TMEM185A: variants seen among roughly 807,000 people sequenced by gnomAD.
TMEM185A encodes the protein transmembrane protein 185A.
In TMEM185A, 9 loss-of-function variants were observed where a neutral mutation model predicts 25.0. The ratio of observed to expected loss-of-function variants is 0.36; its 90% CI spans 0.22 to 0.63. The LOEUF (loss-of-function observed/expected upper bound fraction) is 0.63. TMEM185A is among the 20% of genes least tolerant of loss of function. The pLI is 0.68. For synonymous variants in TMEM185A, 45 were observed against 93.5 expected (o/e 0.48, Z 2.99); for missense variants, 103 against 237.4 (o/e 0.43, Z 3.72).
At chrX:149,624,682 C>T (rs1339262103) in intron 1 of TMEM185A, among the ~76,000 whole-genome samples, 1 of 111,948 alleles carries the variant, frequency 8.9e-6, no homozygotes, top group Non-Finnish European at 1.9e-5. Flanking sequence ...CCCTCTTACA[C>T]CTTATTAACC....
chrX:149,627,049 C>T (rs1557356110), intron 1 of TMEM185A, among the ~76,000 whole-genome samples: 1 of 111,584 alleles, frequency 9.0e-6, no homozygotes, highest in Non-Finnish European at 1.9e-5. Context: ...TGCAAAGAGG[C>T]CCCGCTCTTT....
chrX:149,620,080 G>A (rs886815595), intron 1 of TMEM185A, among the ~76,000 whole-genome samples: 3 of 111,542 alleles, frequency 2.7e-5, no homozygotes, highest in Non-Finnish European at 3.8e-5. Flanking sequence ...TCAGTGTGGC[G>A]ATTCCTCAGG....
chrX:149,608,688 A>C lies in TMEM185A; in HGVS notation c.362T>G (p.Phe121Cys), dbSNP rs1557353987. 1 of 1,211,863 alleles carries C rather than the reference A, an allele frequency of 8.3e-7. No homozygotes were observed. The highest frequency in any genetic ancestry group is 2.2e-5 in the Admixed American group (1 of 46,056). The change falls in exon 3 of 7, where the codon TTT (phenylalanine) becomes TGT (cysteine). Residue 121 changes from phenylalanine to cysteine, a missense_variant. Phe to Cys is a radical substitution (Grantham distance 205). Transcript: ENST00000600449. Reference protein sequence around the residue: ...FWLLVFMPLFFVSPVSVAACV... With the variant: ...FWLLVFMPLFCVSPVSVAACV... ...AGCTGCAACAGACACCGGGGAAACA[A>C]AGAACAGCGGCATGAAGACCAGGAG...
chrX:149,631,549 T>C lies in TMEM185A; in HGVS notation c.32A>G (p.Asn11Ser). 1.7e-6 allele frequency: 2 copies of C among 1,169,389 alleles called. No individual in the cohort carries two copies. Among genetic ancestry groups the C allele is most frequent in the South Asian group, 1.9e-5 (1 of 51,964 alleles). ...GCCAACGACGCCGCCTCACCTCGGG[T>C]TGAAGTCCTGGAAGAGGCCCCTCAG... Reference protein sequence around the residue: MNLRGLFQDFNPSKFLIYACL... With the variant: MNLRGLFQDFSPSKFLIYACL... Residue 11 changes from asparagine to serine, a missense_variant, in exon 1 of 7, where the codon AAC (asparagine) becomes AGC (serine). Coordinates refer to ENST00000600449, the MANE Select transcript of TMEM185A (RefSeq NM_032508.4).
intron 1 of TMEM185A, among the ~76,000 whole-genome samples, chrX:149,612,974 C>T (rs917012314): frequency 8.9e-6 from 1 of 111,923 alleles, no homozygotes; most frequent in Non-Finnish European, 1.9e-5. Context: ...TCTGCCATAT[C>T]GCTTCTGCTT....
At chrX:149,630,518 C>G (rs919688012) in intron 1 of TMEM185A, among the ~76,000 whole-genome samples, 2 of 111,904 alleles carry the variant, frequency 1.8e-5, no homozygotes, top group African/African-American at 6.5e-5. Flanking sequence ...TCCCAACTGG[C>G]AAATAAGGGA....
At chrX:149,614,281 T>C (rs1402596234) in intron 1 of TMEM185A, among the ~76,000 whole-genome samples, 1 of 111,685 alleles carries the variant, frequency 9.0e-6, no homozygotes, top group Non-Finnish European at 1.9e-5. Context: ...ATCTGGAAAA[T>C]TCTCAAAATA....
At chrX:149,626,178 T>C (rs1423454845) in intron 1 of TMEM185A, among the ~76,000 whole-genome samples, 1 of 112,087 alleles carries the variant, frequency 8.9e-6, no homozygotes, top group East Asian at 2.8e-4. Flanking sequence ...GGGCCTGGCA[T>C]GTGGTGGGTA....
chrX:149,613,110 G>T (rs2090092910), intron 1 of TMEM185A, among the ~76,000 whole-genome samples: 1 of 111,836 alleles, frequency 8.9e-6, no homozygotes, highest in Admixed American at 9.5e-5. Flanking sequence ...TTCTAAAGAA[G>T]TTTCCCAGGA....
intron 1 of TMEM185A, among the ~76,000 whole-genome samples, chrX:149,619,540 T>A (rs975211975): frequency 9.1e-5 from 10 of 109,652 alleles, no homozygotes; most frequent in African/African-American, 3.3e-4. Flanking sequence ...TTAGGGTACA[T>A]GTGCACAATG....
intron 1 of TMEM185A, among the ~76,000 whole-genome samples, chrX:149,615,236 T>C (rs1395299992): frequency 8.9e-6 from 1 of 112,152 alleles, no homozygotes; most frequent in Non-Finnish European, 1.9e-5. Context: ...AATCATATGA[T>C]CATCTCAATA....
intron 3 of TMEM185A, 82 bp downstream of exon 3, chrX:149,608,545 G>A: frequency 1.0e-6 from 1 of 955,740 alleles, no homozygotes; most frequent in Non-Finnish European, 1.5e-6. Flanking sequence ...TGGCCAGGCT[G>A]GTCTCAAACT....
intron 6 of TMEM185A, among the ~76,000 whole-genome samples, chrX:149,598,675 A>G (rs1302940906): frequency 3.3e-5 from 2 of 60,884 alleles, no homozygotes; most frequent in Non-Finnish European, 5.3e-5. Flanking sequence ...TCTTCCGCTA[A>G]TCTTCTCCAG....
At position 149,603,874 on chromosome X, in the gene TMEM185A, G is replaced by C. The variant is rs781910323; in HGVS notation, c.507+113C>G. 5.1e-5 allele frequency: 29 copies of C among 565,686 alleles called. 1 individual carries two copies. The South Asian group carries it at 8.5e-4, about 17-fold the overall frequency. The allele number at this position is 565,686 out of a possible 1,213,427, so 46.6% of individuals were successfully genotyped here. On this transcript the variant is annotated intron_variant, in intron 4 of 6. Coordinates refer to ENST00000600449, the MANE Select transcript of TMEM185A (RefSeq NM_032508.4). The stretch of plus-strand genomic sequence containing the variant: ...ATCTCCCCATGGTGGGATTATGGGT[G>C]ACTATTAGGCTATTACTTCTGCTTG...
chrX:149,607,957 G>T (rs1185178408), intron 3 of TMEM185A, among the ~76,000 whole-genome samples: 1 of 111,830 alleles, frequency 8.9e-6, no homozygotes, highest in Non-Finnish European at 1.9e-5. Context: ...TCCTGGAGAG[G>T]AAAAAATTCT....
intron 1 of TMEM185A, among the ~76,000 whole-genome samples, chrX:149,615,053 T>G (rs1192933262): frequency 8.9e-6 from 1 of 112,088 alleles, no homozygotes; most frequent in African/African-American, 3.2e-5. Flanking sequence ...ATATCTCTCA[T>G]GAACAGAGAT....
intron 1 of TMEM185A, among the ~76,000 whole-genome samples, chrX:149,624,323 C>T (rs2090153159): frequency 8.9e-6 from 1 of 112,222 alleles, no homozygotes; most frequent in Non-Finnish European, 1.9e-5. Flanking sequence ...TTCCCTCTCT[C>T]CACTTTGCAG....
chrX:149,631,399 G>T (rs1213695722), intron 1 of TMEM185A, 144 bp downstream of exon 1: 6 of 647,235 alleles, frequency 9.3e-6, no homozygotes, highest in Non-Finnish European at 1.3e-5. Flanking sequence ...CCTGGGGACC[G>T]CTTGCACCCG....
At chrX:149,624,509 T>C (rs1299444125) in intron 1 of TMEM185A, among the ~76,000 whole-genome samples, 2 of 111,881 alleles carry the variant, frequency 1.8e-5, no homozygotes, top group Non-Finnish European at 3.8e-5. Flanking sequence ...GCTGCTGGCT[T>C]CACTGGAGCA....
Sources: allele counts gnomAD v4.1 joint callset (sites outside exome capture counted in the v4.1 genomes callset), GRCh38; gene constraint gnomAD v4.1.1; transcripts MANE v1.5; gene names NCBI Gene and HGNC (gene_info 2026-07-23, HGNC 2026-07-21).